Variants in PAFAH1B1 observed in about 807,000 individuals in gnomAD.
PAFAH1B1 encodes platelet-activating factor acetylhydrolase IB subunit beta.
In PAFAH1B1, 2 loss-of-function variants were observed where a neutral mutation model predicts 57.5. The ratio of observed to expected loss-of-function variants is 0.03; its 90% confidence interval spans 0.01 to 0.11. The LOEUF is 0.11. Ranked by LOEUF, PAFAH1B1 falls within the 10% of genes least tolerant of loss-of-function variation. PAFAH1B1 has a pLI of 1.00. For missense variants in PAFAH1B1, 257 were observed against 512.0 expected, an observed-to-expected ratio of 0.50 and a Z score of 4.81; for synonymous variants, 152 against 169.6, an observed-to-expected ratio of 0.90 and a Z score of 0.81.
At position 2,679,842 on chromosome 17, in the gene PAFAH1B1, T is replaced by TAACCAAACAA. The variant is rs2069350142; in HGVS notation, c.1003-321_1003-320insACCAAACAAA. The TAACCAAACAA allele has an allele frequency of 1.2e-5, 4 of 340,214 alleles. No individual in the cohort carries two copies. In the Admixed American group the frequency reaches 1.4e-4, roughly 12 times the overall value. 21.1% of individuals were successfully genotyped at this position (340,214 alleles called of 1,614,324 possible). A position where few individuals can be genotyped will look rare whatever the true frequency, so the allele number is the denominator to read the frequency against. ...GAACCACCTAAGAACAAGGATAGTA[T>TAACCAAACAA]ATAAATAACCAAAATAAAATTATTC... On this transcript the variant is annotated intron_variant, in intron 9 of 10. Transcript: ENST00000397195.
At position 2,629,049 on chromosome 17, in the gene PAFAH1B1, ATTTATCT is replaced by A. The variant is rs371228208; in HGVS notation, c.-190-9046_-190-9040del. ...TCTTTTCAAAGAACCAGCTTGTTTC[ATTTATCT>A]TTTGTACTGTGTTTTTTTGTTTGTT... On this transcript the variant is annotated intron_variant, in intron 1 of 10. Transcript: ENST00000397195. 3.8e-3 allele frequency among the ~76,000 whole-genome samples: 572 copies of A among 151,838 alleles called. 1 individual carries two copies. The highest frequency in any genetic ancestry group is 0.013 in the African/African-American group (540 of 41,378).
At chr17:2,671,023 C>T (rs2069173618) in intron 6 of PAFAH1B1, among the ~76,000 whole-genome samples, 1 of 152,132 alleles carries the variant, frequency 6.6e-6, no homozygotes, top group Admixed American at 6.6e-5. Context: ...TTTGTTGTTT[C>T]TTTATACATG....
chr17:2,665,558 G>C (rs376998189), intron 3 of PAFAH1B1, 102 bp downstream of exon 3: 16 of 724,072 alleles, frequency 2.2e-5, no homozygotes, highest in East Asian at 1.5e-4. Context: ...TTGTTATTGT[G>C]GTCTACTTGG....
chr17:2,621,607 CTTTT>C (rs534219431), intron 1 of PAFAH1B1, among the ~76,000 whole-genome samples: 19 of 84,758 alleles, frequency 2.2e-4, no homozygotes, highest in East Asian at 3.4e-4. Flanking sequence ...GATAATCTGT[CTTTT>C]TTTTTTTTTT....
intron 2 of PAFAH1B1, among the ~76,000 whole-genome samples, chr17:2,647,183 C>T (rs1217172269): frequency 6.6e-6 from 1 of 152,114 alleles, no homozygotes; most frequent in East Asian, 1.9e-4. Flanking sequence ...AAGCCCTTCT[C>T]TACTAAAAAT....
intron 2 of PAFAH1B1, among the ~76,000 whole-genome samples, chr17:2,648,905 C>G (rs1270224230): frequency 2.8e-5 from 4 of 144,248 alleles, no homozygotes; most frequent in African/African-American, 1.0e-4. Flanking sequence ...GTTCCTGTGT[C>G]TCTGCATCTA....
intron 1 of PAFAH1B1, among the ~76,000 whole-genome samples, chr17:2,623,920 G>A (rs980050602): frequency 2.0e-5 from 3 of 152,192 alleles, no homozygotes; most frequent in Non-Finnish European, 4.4e-5. Context: ...GATTACAGGC[G>A]TGAGCCACTG....
rs1327512334 is a variant in PAFAH1B1, at chr17:2,638,135, A to G, written c.-154A>G. On this transcript the variant is annotated 5_prime_UTR_variant, in exon 2 of 11. Transcript: ENST00000397195. ...CTTACTTGTTGAATATCTTCTGGTT[A>G]CTAGTTGGATTCATTTGTGAAAGAA... 57 of 597,364 alleles carry G rather than the reference A, an allele frequency of 9.5e-5. 1 individual carries two copies. The highest frequency in any genetic ancestry group is 1.5e-4 in the Non-Finnish European group (50 of 330,372). 37.0% of individuals were successfully genotyped at this position (597,364 alleles called of 1,614,324 possible).
intron 2 of PAFAH1B1, among the ~76,000 whole-genome samples, chr17:2,642,903 A>C (rs2068715109): frequency 6.6e-6 from 1 of 152,046 alleles, no homozygotes; most frequent in Non-Finnish European, 1.5e-5. Context: ...ATAAACCATT[A>C]TCTATAGAAA....
intron 5 of PAFAH1B1, 73 bp from the exon 6 acceptor site, chr17:2,670,090 C>T: frequency 7.8e-7 from 1 of 1,274,016 alleles, no homozygotes. Flanking sequence ...CCAGACTGGC[C>T]TGCTGAGTGC....
At chr17:2,626,225 GC>G (rs1048375469) in intron 1 of PAFAH1B1, among the ~76,000 whole-genome samples, 2 of 151,726 alleles carry the variant, frequency 1.3e-5, no homozygotes, top group African/African-American at 2.4e-5. Context: ...CTGCACTCCA[GC>G]CTGGGCGACA....
intron 2 of PAFAH1B1, among the ~76,000 whole-genome samples, chr17:2,665,097 T>A (rs960089434): frequency 1.3e-5 from 2 of 152,108 alleles, no homozygotes; most frequent in African/African-American, 4.8e-5. Context: ...AGCAACACAT[T>A]TGAAACTTAT....
chr17:2,652,159 C>T (rs1241906329), intron 2 of PAFAH1B1, among the ~76,000 whole-genome samples: 12 of 37,668 alleles, frequency 3.2e-4, no homozygotes, highest in South Asian at 2.9e-3. Context: ...CGCCTGTAAT[C>T]CCACACTTTG....
intron 9 of PAFAH1B1, chr17:2,679,578 TTGGA>T (rs1242747031): frequency 8.1e-6 from 1 of 123,948 alleles, no homozygotes; most frequent in Admixed American, 8.5e-5. Context: ...AGATGGATGA[TTGGA>T]TGGATAGATA....
At chr17:2,598,001 C>T (rs1370010277) in intron 1 of PAFAH1B1, among the ~76,000 whole-genome samples, 3 of 151,914 alleles carry the variant, frequency 2.0e-5, no homozygotes, top group African/African-American at 7.3e-5. Context: ...ACTCCCAGAA[C>T]TTTGGGAGGC....
At position 2,614,106 on chromosome 17, in the gene PAFAH1B1, G is replaced by T. The variant is rs111494838; in HGVS notation, c.-191+20100G>T. ...AGTGATGTGATCACAGTTCACTGCT[G>T]CAGCCTCAACCTCCCAGGCTCAAGC... On this transcript the variant is annotated intron_variant, in intron 1 of 10. Transcript: ENST00000397195. 3.6e-4 allele frequency among the ~76,000 whole-genome samples: 48 copies of T among 133,258 alleles called. 1 individual carries two copies. Among genetic ancestry groups the T allele is most frequent in the African/African-American group, 1.3e-3 (45 of 34,492 alleles). The allele number at this position is 133,258 out of a possible 152,430, so 87.4% of individuals were successfully genotyped here.
At chr17:2,643,058 A>G (rs1470564791) in intron 2 of PAFAH1B1, among the ~76,000 whole-genome samples, 1 of 152,112 alleles carries the variant, frequency 6.6e-6, no homozygotes, top group Non-Finnish European at 1.5e-5. Flanking sequence ...TCTTTCTTAA[A>G]TAAAAGTAGC....
chr17:2,593,700 A>C lies in PAFAH1B1; in HGVS notation c.-497A>C. 1.3e-5 allele frequency: 3 copies of C among 225,666 alleles called. No homozygotes were observed. The highest frequency in any genetic ancestry group is 1.7e-5 in the Non-Finnish European group (2 of 117,026). The allele number at this position is 225,666 out of a possible 1,614,324, so 14.0% of individuals were successfully genotyped here. A position where few individuals can be genotyped will look rare whatever the true frequency, so the allele number is the denominator to read the frequency against. ...GCGGCGGCGGAGTCCGGCGGCCGGG[A>C]GAGCGAGTGAGCGAGCGGAGGAGCA... On this transcript the variant is annotated 5_prime_UTR_variant, in exon 1 of 11. Transcript: ENST00000397195.
upstream of PAFAH1B1, among the ~76,000 whole-genome samples, chr17:2,593,593 C>CGGT (rs1430643034): frequency 6.7e-6 from 1 of 149,394 alleles, no homozygotes; most frequent in East Asian, 2.0e-4. Context: ...GGGTCTGGGG[C>CGGT]GGCGGCGGCG....
Sources: gnomAD v4.1 joint callset for allele counts (sites outside exome capture counted in the v4.1 genomes callset) on GRCh38, gnomAD v4.1.1 for gene constraint, MANE v1.5 for transcripts, NCBI Gene and HGNC (gene_info 2026-07-23, HGNC 2026-07-21) for gene names.